The following PICALM variants were observed in gnomAD, a reference collection of about 807,000 sequenced individuals.
PICALM encodes phosphatidylinositol binding clathrin assembly protein.
Under a neutral mutation model 80.5 loss-of-function variants are expected in PICALM, and 40 were observed. The ratio of observed to expected loss-of-function variants is 0.50; its 90% CI spans 0.39 to 0.65. The LOEUF (loss-of-function observed/expected upper bound fraction) is 0.65. Among genes scored for constraint, PICALM ranks in the 30% least tolerant of loss-of-function variants. The pLI is 0.00. For synonymous variants in PICALM, 288 were observed against 260.3 expected (o/e 1.11, Z -1.02); for missense variants, 676 against 778.9 (o/e 0.87, Z 1.57).
chr11:85,997,984 A>G (rs1257504958), intron 11 of PICALM, among the ~76,000 whole-genome samples: 7 of 151,202 alleles, frequency 4.6e-5, no homozygotes, highest in Non-Finnish European at 1.0e-4. Context: ...GTTTCACCAC[A>G]CTGCCCAGGC....
chr11:86,054,031 C>T (rs2096233377), intron 1 of PICALM, among the ~76,000 whole-genome samples: 1 of 152,132 alleles, frequency 6.6e-6, no homozygotes, highest in Non-Finnish European at 1.5e-5. Flanking sequence ...CATACTATCA[C>T]CCAATAAGAT....
At chr11:86,009,371 A>G (rs1224708095) in intron 7 of PICALM, among the ~76,000 whole-genome samples, 1 of 150,702 alleles carries the variant, frequency 6.6e-6, no homozygotes, top group Non-Finnish European at 1.5e-5. Flanking sequence ...AGTTAACAGC[A>G]GATCTGGAGT....
At chr11:85,960,820 T>C (rs973341759) in intron 19 of PICALM, 2 of 912,110 alleles carry the variant, frequency 2.2e-6, no homozygotes, top group African/African-American at 3.6e-5. Context: ...AAAAAAGATC[T>C]CAGAATGACA....
chr11:85,971,788 T>C (rs917974205), intron 19 of PICALM, among the ~76,000 whole-genome samples: 34 of 151,952 alleles, frequency 2.2e-4, no homozygotes, highest in Non-Finnish European at 4.0e-4. Context: ...CAAGCAATTT[T>C]TTGTTTGTTT....
chr11:86,003,141 C>G (rs758175349), intron 9 of PICALM, among the ~76,000 whole-genome samples: 1 of 152,210 alleles, frequency 6.6e-6, no homozygotes, highest in East Asian at 1.9e-4. Flanking sequence ...ATTATCTTAA[C>G]AGATGCTGAC....
At chr11:86,013,408 A>C (rs2136313473) in intron 5 of PICALM, among the ~76,000 whole-genome samples, 1 of 152,320 alleles carries the variant, frequency 6.6e-6, no homozygotes, top group Non-Finnish European at 1.5e-5. Flanking sequence ...TTTATTAAAA[A>C]TTTAAATGTT....
intron 12 of PICALM, among the ~76,000 whole-genome samples, chr11:85,994,461 C>T (rs774727237): frequency 5.9e-5 from 9 of 152,076 alleles, no homozygotes; most frequent in Admixed American, 1.3e-4. Context: ...ACTAGGAATG[C>T]GCATCATTTC....
At chr11:85,976,793 GAGTA>G (rs1457355590) in intron 17 of PICALM, 111 bp from the exon 18 acceptor site, 4 of 664,776 alleles carry the variant, frequency 6.0e-6, no homozygotes, top group South Asian at 1.7e-5. Flanking sequence ...AGACAGCTGT[GAGTA>G]AGTGACACTT....
chr11:86,039,366 C>A (rs994652926), intron 1 of PICALM, among the ~76,000 whole-genome samples: 3 of 151,968 alleles, frequency 2.0e-5, no homozygotes, highest in African/African-American at 4.8e-5. Flanking sequence ...ACAACCACTG[C>A]CCTCCAGCCT....
In PICALM at chr11:85,958,776, G is replaced by C; in HGVS notation, c.*270C>G. On this transcript the variant is annotated 3_prime_UTR_variant, in exon 20 of 20. Coordinates refer to ENST00000393346, the MANE Select transcript of PICALM (RefSeq NM_007166.4). ...GGTTACTGATTATGGGTATTAACAG[G>C]AGTTGAAAGAATTGAAGGGTTAGTC... 5.4e-6 allele frequency: 2 copies of C among 372,872 alleles called. No homozygotes were observed. The highest frequency in any genetic ancestry group is 9.7e-6 in the Non-Finnish European group (2 of 205,952). The allele number at this position is 372,872 out of a possible 1,614,324, so 23.1% of individuals were successfully genotyped here. A position where few individuals can be genotyped will look rare whatever the true frequency, so the allele number is the denominator to read the frequency against.
chr11:86,045,509 T>C (rs2096056914), intron 1 of PICALM, among the ~76,000 whole-genome samples: 1 of 106,422 alleles, frequency 9.4e-6, no homozygotes, highest in Non-Finnish European at 1.9e-5. Flanking sequence ...TGAGACCCTG[T>C]CTTGAAATTC....
intron 1 of PICALM, among the ~76,000 whole-genome samples, chr11:86,041,836 A>G (rs2095975366): frequency 6.6e-6 from 1 of 152,200 alleles, no homozygotes; most frequent in African/African-American, 2.4e-5. Flanking sequence ...ATAAATACAA[A>G]AACTCTTAGA....
rs59672357 is a variant in PICALM at position 85,982,423 on chromosome 11, C to CTTTTTT, written c.1517-426_1517-421dup. ...ACGTTAAGAAATAAGATTTTATAGA[C>CTTTTTT]TTTTTTTTTTTTTTTGAGACGGAGT... On this transcript the variant is annotated intron_variant, in intron 14 of 19. Coordinates refer to ENST00000393346, the MANE Select transcript of PICALM (RefSeq NM_007166.4). 1.7e-4 allele frequency among the ~76,000 whole-genome samples: 12 copies of CTTTTTT among 70,172 alleles called. 2 individuals are homozygous for CTTTTTT. The East Asian group carries it at 1.8e-3, about 10-fold the overall frequency. The allele number at this position is 70,172 out of a possible 152,430, so 46.0% of individuals were successfully genotyped here. A position where few individuals can be genotyped will look rare whatever the true frequency, so the allele number is the denominator to read the frequency against.
At chr11:86,028,042 C>T (rs2095679721) in intron 2 of PICALM, among the ~76,000 whole-genome samples, 1 of 152,158 alleles carries the variant, frequency 6.6e-6, no homozygotes, top group Admixed American at 6.5e-5. Context: ...ATTTCGTCTA[C>T]CAGGCCATTT....
intron 19 of PICALM, among the ~76,000 whole-genome samples, chr11:85,970,034 G>T (rs904707281): frequency 1.3e-5 from 2 of 152,164 alleles, no homozygotes; most frequent in South Asian, 4.1e-4. Flanking sequence ...GATGAAAAAG[G>T]TAAGTTTACA....
At chr11:86,003,490 G>C in intron 8 of PICALM, 39 bp from the exon 9 acceptor site, 2 of 1,303,546 alleles carry the variant, frequency 1.5e-6, no homozygotes, top group Non-Finnish European at 2.2e-6. Context: ...ATGATAATTA[G>C]GCCACTGGTC....
intron 3 of PICALM, chr11:86,023,375 C>A: frequency 1.2e-6 from 1 of 858,354 alleles, no homozygotes; most frequent in Non-Finnish European, 1.4e-6. Flanking sequence ...AATCAGTGAA[C>A]AAAATAGAAA....
Position 85,991,018 on chromosome 11 carries a change from T to C in PICALM, c.1259-619A>G, listed in dbSNP as rs556015523. On this transcript the variant is annotated intron_variant, in intron 12 of 19. Coordinates refer to ENST00000393346, the MANE Select transcript of PICALM (RefSeq NM_007166.4). ...TTGAATGTCTATCTAAGAGCTTTAG[T>C]CTTTAAATGAATTGCTAAAGGAACA... Among the ~76,000 whole-genome samples the C allele has an allele frequency of 1.5e-4, 23 of 152,344 alleles. No individual in the cohort carries two copies. The East Asian group carries it at 4.2e-3, about 28-fold the overall frequency.
chr11:85,969,483 C>G (rs968785205), intron 19 of PICALM, among the ~76,000 whole-genome samples: 61 of 152,220 alleles, frequency 4.0e-4, no homozygotes, highest in African/African-American at 1.4e-3. Flanking sequence ...TGGATGATCT[C>G]TGCCCTTAAT....
Sources: gnomAD v4.1 joint callset for allele counts (sites outside exome capture counted in the v4.1 genomes callset) on GRCh38, gnomAD v4.1.1 for gene constraint, MANE v1.5 for transcripts, NCBI Gene and HGNC (gene_info 2026-07-23, HGNC 2026-07-21) for gene names.